Variants in PRH1 observed in about 807,000 individuals in gnomAD.
The protein encoded by PRH1 is proline rich protein HaeIII subfamily 1, also known as salivary acidic proline-rich phosphoprotein 1/2.
A neutral mutation model predicts 7.9 loss-of-function variants in PRH1; 7 were observed. The ratio of observed to expected loss-of-function variants is 0.89; its 90% CI spans 0.50 to 1.67. PRH1 has a LOEUF of 1.67. Ranked by LOEUF, PRH1 falls within the 40% of genes most tolerant of loss-of-function variation. PRH1 has a pLI of 0.00. For synonymous variants in PRH1, 45 were observed against 80.8 expected, an observed-to-expected ratio of 0.56 and a Z score of 2.38; for missense variants, 109 against 223.6, an observed-to-expected ratio of 0.49 and a Z score of 3.27.
At chr12:11,033,297 G>T (rs1942304087) in intron 1 of PRH1, among the ~76,000 whole-genome samples, 1 of 152,090 alleles carries the variant, frequency 6.6e-6, no homozygotes, top group African/African-American at 2.4e-5. Context: ...AACCCGGGAG[G>T]CGGAGGTTGC....
At chr12:10,995,783 TG>T (rs773179733) in intron 1 of PRH1, among the ~76,000 whole-genome samples, 33 of 152,244 alleles carry the variant, frequency 2.2e-4, no homozygotes, top group Non-Finnish European at 4.6e-4. Flanking sequence ...ATTCAAAAAC[TG>T]GAAGAGATGA....
chr12:11,129,859 T>A (rs531538011), intron 1 of PRH1, among the ~76,000 whole-genome samples: 1 of 152,408 alleles, frequency 6.6e-6, no homozygotes, highest in South Asian at 2.1e-4. Flanking sequence ...AATGTATTGA[T>A]AATATTACAG....
chr12:11,106,729 G>T (rs1320557778), intron 1 of PRH1, among the ~76,000 whole-genome samples: 2 of 151,868 alleles, frequency 1.3e-5, no homozygotes, highest in African/African-American at 2.4e-5. Context: ...TCTAACAGAA[G>T]ATTGTGGAGT....
At chr12:10,976,330 C>T (rs1451789703) in intron 1 of PRH1, among the ~76,000 whole-genome samples, 1 of 152,018 alleles carries the variant, frequency 6.6e-6, no homozygotes, top group African/African-American at 2.4e-5. Flanking sequence ...ATTTTGGGTA[C>T]ATATGAAATT....
intron 1 of PRH1, chr12:11,132,903 A>C (rs1946406827): frequency 5.8e-6 from 1 of 173,308 alleles, no homozygotes; most frequent in South Asian, 1.8e-4. Flanking sequence ...TGTGTCATTC[A>C]AATAACAATA....
chr12:10,977,549 C>T (rs1591757064), intron 1 of PRH1, among the ~76,000 whole-genome samples: 1 of 152,010 alleles, frequency 6.6e-6, no homozygotes, highest in East Asian at 1.9e-4. Context: ...TACTGGAAGT[C>T]CTGGCCAAAG....
intron 1 of PRH1, among the ~76,000 whole-genome samples, chr12:11,020,391 T>C (rs1206432207): frequency 1.3e-5 from 1 of 75,184 alleles, no homozygotes; most frequent in Non-Finnish European, 3.3e-5. Flanking sequence ...TATATATATA[T>C]GTCTATAGAT....
intron 2 of PRH1, among the ~76,000 whole-genome samples, chr12:10,941,961 G>C (rs1591707490): frequency 6.6e-6 from 1 of 152,228 alleles, no homozygotes; most frequent in East Asian, 1.9e-4. Context: ...GTGGCTTCCT[G>C]ACAGCTGAGC....
intron 1 of PRH1, among the ~76,000 whole-genome samples, chr12:11,141,142 T>C (rs1055478476): frequency 1.3e-5 from 2 of 152,220 alleles, no homozygotes; most frequent in Non-Finnish European, 2.9e-5. Flanking sequence ...AGGGAGATCA[T>C]CCAGGTGGAA....
chr12:10,914,511 G>A (rs1316152875), intron 2 of PRH1, among the ~76,000 whole-genome samples: 2 of 152,210 alleles, frequency 1.3e-5, no homozygotes, highest in African/African-American at 4.8e-5. Flanking sequence ...AGGAGGTTCT[G>A]AGCAGATGTC....
rs751016037 is a variant in PRH1 at position 11,091,115 on chromosome 12, C to CACATATATATATATATATAT, written n.124-43928_124-43927insATATATATATATATATATGT. ...ACACAAATACACACACACACACACA[C>CACATATATATATATATATAT]ATATATATATATATATATATATATA... On this transcript the variant is annotated intron_variant and non_coding_transcript_variant, in intron 1 of 4. Transcript: ENST00000541977. Among the ~76,000 whole-genome samples the CACATATATATATATATATAT allele has an allele frequency of 1.9e-3, 48 of 25,106 alleles. 1 individual carries two copies. The highest frequency in any genetic ancestry group is 3.2e-3 in the African/African-American group (41 of 12,738). The allele number at this position is 25,106 out of a possible 152,430, so 16.5% of individuals were successfully genotyped here. A position where few individuals can be genotyped will look rare whatever the true frequency, so the allele number is the denominator to read the frequency against.
intron 1 of PRH1, among the ~76,000 whole-genome samples, chr12:10,981,724 A>G (rs1350683327): frequency 6.6e-6 from 1 of 151,168 alleles, no homozygotes; most frequent in Non-Finnish European, 1.5e-5. Flanking sequence ...TAGAGACAAG[A>G]TCTTGCTTGA....
chr12:11,060,326 A>G (rs1943535462), intron 1 of PRH1, among the ~76,000 whole-genome samples: 1 of 152,114 alleles, frequency 6.6e-6, no homozygotes, highest in Non-Finnish European at 1.5e-5. Flanking sequence ...AACATTTACA[A>G]AAATTTCATT....
chr12:11,106,716 G>GT (rs1452579242), intron 1 of PRH1, among the ~76,000 whole-genome samples: 1 of 151,784 alleles, frequency 6.6e-6, no homozygotes, highest in Non-Finnish European at 1.5e-5. Flanking sequence ...CAGTATAATT[G>GT]TTTCTAACAG....
intron 2 of PRH1, among the ~76,000 whole-genome samples, chr12:10,972,928 ACCCACC>A (rs1468051312): frequency 9.0e-5 from 9 of 100,322 alleles, no homozygotes; most frequent in Non-Finnish European, 1.5e-4. Context: ...AAGCACCACA[ACCCACC>A]CCCCCCGCCC....
At chr12:10,894,562 T>A (rs567686739) in intron 2 of PRH1, among the ~76,000 whole-genome samples, 2 of 152,162 alleles carry the variant, frequency 1.3e-5, no homozygotes, top group Non-Finnish European at 2.9e-5. Flanking sequence ...TTTGTACATA[T>A]AAATCTGATT....
chr12:10,937,160 G>A (rs1478369205), intron 2 of PRH1, among the ~76,000 whole-genome samples: 1 of 151,424 alleles, frequency 6.6e-6, no homozygotes, highest in Non-Finnish European at 1.5e-5. Flanking sequence ...CTACCTTGCA[G>A]CTGCTTTCTG....
intron 2 of PRH1, among the ~76,000 whole-genome samples, chr12:10,963,139 T>G (rs1298213722): frequency 6.6e-6 from 1 of 151,202 alleles, no homozygotes; most frequent in Non-Finnish European, 1.5e-5. Flanking sequence ...AATAACTAAA[T>G]CAAATGATTT....
intron 1 of PRH1, among the ~76,000 whole-genome samples, chr12:11,132,206 T>C (rs921317636): frequency 1.8e-5 from 1 of 54,456 alleles, no homozygotes; most frequent in Non-Finnish European, 5.4e-5. Context: ...TTCCATTTAA[T>C]CATTGACAAC....
Sources: allele counts gnomAD v4.1 joint callset (sites outside exome capture counted in the v4.1 genomes callset), GRCh38; gene constraint gnomAD v4.1.1; transcripts MANE v1.5; gene names NCBI Gene and HGNC (gene_info 2026-07-23, HGNC 2026-07-21).